Variants in ENOSF1 observed in about 807,000 individuals in gnomAD.
ENOSF1 encodes mitochondrial enolase superfamily member 1.
ENOSF1 carries 73 observed loss-of-function variants against 68.2 expected under a neutral mutation model. The ratio of observed to expected loss-of-function variants is 1.07; its 90% CI spans 0.89 to 1.30. ENOSF1 has a LOEUF of 1.30. Ranked by LOEUF, ENOSF1 falls within the 50% of genes most tolerant of loss-of-function variation. ENOSF1 has a pLI of 0.00. For synonymous variants in ENOSF1, 223 were observed against 210.4 expected (o/e 1.06, Z -0.52); for missense variants, 589 against 554.5 (o/e 1.06, Z -0.62).
At chr18:696,217 T>TTG (rs1331095212) in intron 3 of ENOSF1, among the ~76,000 whole-genome samples, 3 of 145,798 alleles carry the variant, frequency 2.1e-5, no homozygotes, top group African/African-American at 5.2e-5. Flanking sequence ...TTTTTTTTTT[T>TTG]TTTTTTTGTT....
Position 670,717 on chromosome 18 carries a change from A to C in ENOSF1, c.*3588T>G. ...ATCTTCCTCTGATGGCGCTGCCTCCATGCCATGCCCTCTGCCAGTTCTATG... is the reference window on the plus strand; with the variant it reads ...ATCTTCCTCTGATGGCGCTGCCTCCCTGCCATGCCCTCTGCCAGTTCTATG... On this transcript the variant is annotated 3_prime_UTR_variant, in exon 16 of 16. Transcript: ENST00000647584. The C allele has an allele frequency of 6.2e-7, 1 of 1,614,058 alleles. No individual in the cohort carries two copies. Among genetic ancestry groups the C allele is most frequent in the Non-Finnish European group, 8.5e-7 (1 of 1,179,986 alleles).
chr18:709,977 C>A (rs1236314930), intron 1 of ENOSF1, among the ~76,000 whole-genome samples: 1 of 152,190 alleles, frequency 6.6e-6, no homozygotes, highest in African/African-American at 2.4e-5. Flanking sequence ...ACAACATACA[C>A]CCTATCTCCC....
intron 3 of ENOSF1, among the ~76,000 whole-genome samples, chr18:694,757 T>G (rs986954104): frequency 7.2e-5 from 11 of 152,208 alleles, no homozygotes; most frequent in Non-Finnish European, 1.2e-4. Context: ...TGCTAACCTA[T>G]TGAAGAGTTT....
chr18:686,719 G>A (rs2076639983), intron 9 of ENOSF1: 1 of 152,294 alleles, frequency 6.6e-6, no homozygotes, highest in Admixed American at 6.5e-5. Flanking sequence ...ACTGGCAGGT[G>A]GAGGAGGGGA....
chr18:676,566 G>A (rs901846848), intron 14 of ENOSF1, among the ~76,000 whole-genome samples: 3 of 152,124 alleles, frequency 2.0e-5, no homozygotes, highest in African/African-American at 4.8e-5. Context: ...TATGCTTCCC[G>A]TGCAGCCTGC....
chr18:683,146 C>A, intron 11 of ENOSF1, 100 bp downstream of exon 11: 1 of 1,423,286 alleles, frequency 7.0e-7, no homozygotes. Flanking sequence ...ACAGGAAATG[C>A]AAGAGGGAAC....
At chr18:708,679 C>T (rs550365481) in intron 1 of ENOSF1, among the ~76,000 whole-genome samples, 8 of 151,810 alleles carry the variant, frequency 5.3e-5, no homozygotes, top group African/African-American at 1.7e-4. Context: ...GTGAGCTGGC[C>T]GGTCAAGGAA....
At chr18:678,635 C>T in intron 12 of ENOSF1, 61 bp downstream of exon 12, 1 of 1,535,818 alleles carries the variant, frequency 6.5e-7, no homozygotes, top group Non-Finnish European at 9.0e-7. Flanking sequence ...TGTCCTCGGT[C>T]ACTGGTCAGC....
In ENOSF1 at chr18:706,815, A is replaced by ATT. The variant is rs71297337; in HGVS notation, c.85-239_85-238dup. On this transcript the variant is annotated intron_variant, in intron 1 of 15. Transcript: ENST00000647584. ...GAGCAATGTATGTATATATATATAT[A>ATT]TTTTTTTTTTTTTTCTTTTTTGAGA... 511 of 131,022 alleles carry ATT rather than the reference A, an allele frequency of 3.9e-3. 4 individuals are homozygous for ATT. The highest frequency in any genetic ancestry group is 0.012 in the African/African-American group (437 of 35,058). The allele number at this position is 131,022 out of a possible 1,614,324, so 8.1% of individuals were successfully genotyped here.
rs113479495 is a variant in ENOSF1, at chr18:693,763, T to C, written c.423+119A>G. 1,342 of 1,493,822 alleles carry C rather than the reference T, an allele frequency of 9.0e-4. 10 individuals are homozygous for C. The African/African-American group carries it at 0.017, about 19-fold the overall frequency. 92.5% of individuals were successfully genotyped at this position (1,493,822 alleles called of 1,614,324 possible). ...CATATTTTATTGGCTTTTTGCTTTA[T>C]CATCGCTATAGTGATCAACAGATAG... On this transcript the variant is annotated intron_variant, in intron 5 of 15. Transcript: ENST00000647584.
intron 13 of ENOSF1, 47 bp downstream of exon 13, chr18:677,696 T>C: frequency 6.3e-7 from 1 of 1,585,508 alleles, no homozygotes. Flanking sequence ...GGTGTCTGAT[T>C]AGTGGGGAAA....
chr18:697,776 C>T lies in ENOSF1; in HGVS notation c.194-421G>A, dbSNP rs556924103. Among the ~76,000 whole-genome samples the T allele has an allele frequency of 3.3e-5, 5 of 152,194 alleles. No individual in the cohort carries two copies. In the East Asian group the frequency reaches 5.8e-4, roughly 18 times the overall value. ...CAAAGGTATATTCTTTTTAAAATTG[C>T]ATCAAATATGTTTTCTTTTCTTTTC... is the stretch of plus-strand genomic sequence containing the variant. On this transcript the variant is annotated intron_variant, in intron 2 of 15. Coordinates refer to ENST00000647584, the MANE Select transcript of ENOSF1 (RefSeq NM_017512.7).
chr18:669,211 T>C (rs781479005), downstream of ENOSF1: 2 of 1,570,578 alleles, frequency 1.3e-6, no homozygotes, highest in Non-Finnish European at 1.8e-6. Flanking sequence ...ATACTAACCA[T>C]ACTCTTAGAG....
At chr18:694,179 T>C (rs2077484414) in intron 4 of ENOSF1, 69 bp downstream of exon 4, 1 of 1,464,392 alleles carries the variant, frequency 6.8e-7, no homozygotes, top group African/African-American at 1.4e-5. Flanking sequence ...CTGTCTTTCC[T>C]CTGTGCGTAG....
chr18:683,565 G>C (rs540485858), intron 10 of ENOSF1, among the ~76,000 whole-genome samples, 185 bp from the exon 11 acceptor site: 1 of 152,196 alleles, frequency 6.6e-6, no homozygotes, highest in South Asian at 2.1e-4. Flanking sequence ...GCTGAGACGG[G>C]GACTCTGGCT....
intron 15 of ENOSF1, 117 bp from the exon 16 acceptor site, chr18:674,523 ATTT>A (rs113915772): frequency 1.1e-5 from 6 of 554,622 alleles, no homozygotes; most frequent in Admixed American, 6.9e-5. Context: ...CAATTAATTA[ATTT>A]TTTTTTTTTT....
downstream of ENOSF1, among the ~76,000 whole-genome samples, chr18:666,145 A>C (rs2074811193): frequency 1.0e-5 from 1 of 100,400 alleles, no homozygotes; most frequent in Non-Finnish European, 1.9e-5. Context: ...AATGTGTGGG[A>C]GTCTAAGTCT....
downstream of ENOSF1, among the ~76,000 whole-genome samples, chr18:668,534 CTAAAG>C (rs1305872956): frequency 1.3e-5 from 2 of 152,088 alleles, no homozygotes; most frequent in Admixed American, 6.6e-5. Context: ...CTGCTAAACT[CTAAAG>C]TAATTTTAGG....
Position 672,996 on chromosome 18 carries a change from AG to A in ENOSF1, c.*1308del. The A allele has an allele frequency of 6.4e-7, 1 of 1,561,170 alleles. No individual in the cohort carries two copies. The highest frequency in any genetic ancestry group is 8.8e-7 in the Non-Finnish European group (1 of 1,139,994). ...ACTATTAAAATGGAAATGGCTGTTT[AG>A]GGTGCTTTCAAAGGAGCTCGAAGGA... On this transcript the variant is annotated 3_prime_UTR_variant, in exon 16 of 16. Transcript: ENST00000647584.
Sources: allele counts gnomAD v4.1 joint callset (sites outside exome capture counted in the v4.1 genomes callset), GRCh38; gene constraint gnomAD v4.1.1; transcripts MANE v1.5; gene names NCBI Gene and HGNC (gene_info 2026-07-23, HGNC 2026-07-21).